The following PACRG variants were observed in gnomAD, a reference collection of about 807,000 sequenced individuals.
The protein encoded by PACRG is parkin coregulated gene protein.
A neutral mutation model predicts 29.7 loss-of-function variants in PACRG; 29 were observed. The ratio of observed to expected loss-of-function variants is 0.98; its 90% CI spans 0.73 to 1.33. The LOEUF (loss-of-function observed/expected upper bound fraction) is 1.33. Ranked by LOEUF, PACRG falls within the 40% of genes most tolerant of loss-of-function variation. The pLI is 0.00. For synonymous variants in PACRG, 116 were observed against 118.7 expected, an observed-to-expected ratio of 0.98 and a Z score of 0.15; for missense variants, 279 against 316.2, an observed-to-expected ratio of 0.88 and a Z score of 0.89.
chr6:162,851,807 G>T (rs1216006204), intron 2 of PACRG, among the ~76,000 whole-genome samples: 13 of 151,760 alleles, frequency 8.6e-5, no homozygotes, highest in Non-Finnish European at 1.5e-5. Context: ...ATGTGTCCAA[G>T]AATTTAAATA....
At chr6:162,893,071 T>TCGGCCCACATCCCGGAGAACC (rs1794906159) in intron 2 of PACRG, among the ~76,000 whole-genome samples, 3 of 126,702 alleles carry the variant, frequency 2.4e-5, no homozygotes, top group Admixed American at 8.6e-5. Flanking sequence ...CACACCCCTC[T>TCGGCCCACATCCCGGAGAACC]ACCTCCACTA....
chr6:163,156,817 C>G (rs1778340257), intron 4 of PACRG, among the ~76,000 whole-genome samples: 2 of 152,142 alleles, frequency 1.3e-5, no homozygotes, highest in African/African-American at 2.4e-5. Flanking sequence ...ACAACTTCTT[C>G]AAAGCCAGCA....
chr6:163,226,085 T>C (rs1781783488), intron 4 of PACRG, among the ~76,000 whole-genome samples: 1 of 152,192 alleles, frequency 6.6e-6, no homozygotes, highest in Admixed American at 6.5e-5. Flanking sequence ...GAGGACATTA[T>C]GCTAAGTGAA....
At chr6:162,941,561 G>A (rs1376229581) in intron 2 of PACRG, among the ~76,000 whole-genome samples, 1 of 152,144 alleles carries the variant, frequency 6.6e-6, no homozygotes, top group Admixed American at 6.6e-5. Context: ...CTGGCAGGAG[G>A]AGTTTCTGGG....
At chr6:162,993,089 C>A (rs1384587355) in intron 2 of PACRG, among the ~76,000 whole-genome samples, 3 of 145,198 alleles carry the variant, frequency 2.1e-5, no homozygotes, top group African/African-American at 5.1e-5. Flanking sequence ...AGTTTGATTG[C>A]ACTGTGGTCT....
At chr6:163,194,493 G>A (rs967770708) in intron 4 of PACRG, among the ~76,000 whole-genome samples, 4 of 152,108 alleles carry the variant, frequency 2.6e-5, no homozygotes, top group Non-Finnish European at 4.4e-5. Flanking sequence ...CCAGGCTGGT[G>A]GTGTCTGGCT....
At chr6:163,266,872 G>A (rs549953324) in intron 4 of PACRG, among the ~76,000 whole-genome samples, 43 of 152,214 alleles carry the variant, frequency 2.8e-4, no homozygotes, top group South Asian at 4.2e-4. Flanking sequence ...CCCTCTTCCC[G>A]GGCAGCACCA....
At chr6:162,989,555 C>T (rs1473588633) in intron 2 of PACRG, among the ~76,000 whole-genome samples, 1 of 152,068 alleles carries the variant, frequency 6.6e-6, no homozygotes, top group Non-Finnish European at 1.5e-5. Context: ...AAATGCTATG[C>T]AAATATTTGT....
intron 2 of PACRG, among the ~76,000 whole-genome samples, chr6:162,860,016 A>G (rs1791726154): frequency 8.6e-6 from 1 of 116,324 alleles, no homozygotes; most frequent in African/African-American, 3.4e-5. Context: ...AGAGTAATGG[A>G]TTTTACAACT....
At chr6:163,205,522 A>G (rs1022169177) in intron 4 of PACRG, among the ~76,000 whole-genome samples, 8 of 152,184 alleles carry the variant, frequency 5.3e-5, no homozygotes, top group African/African-American at 1.9e-4. Context: ...AGAAGATTCA[A>G]ACTGGACCCC....
chr6:163,010,550 C>T (rs1024018345), intron 2 of PACRG, among the ~76,000 whole-genome samples: 9 of 152,190 alleles, frequency 5.9e-5, no homozygotes, highest in African/African-American at 2.2e-4. Flanking sequence ...TCCTGTAGTC[C>T]TAGCAACTGT....
chr6:162,839,530 C>T (rs1347449015), intron 2 of PACRG, among the ~76,000 whole-genome samples: 1 of 151,336 alleles, frequency 6.6e-6, no homozygotes, highest in African/African-American at 2.4e-5. Context: ...AAATTTTCTC[C>T]CATTTTGTAG....
chr6:163,120,802 G>T (rs1273721061), intron 4 of PACRG, among the ~76,000 whole-genome samples: 1 of 152,158 alleles, frequency 6.6e-6, no homozygotes, highest in African/African-American at 2.4e-5. Context: ...GGTCATGAAG[G>T]AGCTCAAATG....
chr6:163,139,881 C>T (rs1289342060), intron 4 of PACRG, among the ~76,000 whole-genome samples: 2 of 152,162 alleles, frequency 1.3e-5, no homozygotes, highest in African/African-American at 4.8e-5. Flanking sequence ...TAAGGAGTCC[C>T]TCAACTGAAT....
At chr6:163,114,986 A>T (rs974602749) in intron 4 of PACRG, among the ~76,000 whole-genome samples, 2 of 152,158 alleles carry the variant, frequency 1.3e-5, no homozygotes, top group Non-Finnish European at 2.9e-5. Context: ...TACAATTTTT[A>T]TTTGTCAATT....
chr6:162,842,853 T>A lies in PACRG; in HGVS notation c.291+28572T>A, dbSNP rs1442297163. On this transcript the variant is annotated intron_variant, in intron 2 of 4. Transcript: ENST00000366888. ...AAGTATTTTATTTCTCCTTCACTTA[T>A]GAAGCTTAGTTTGGCTGGATATGAA... is the stretch of plus-strand genomic sequence containing the variant. 2.3e-4 allele frequency among the ~76,000 whole-genome samples: 27 copies of A among 115,850 alleles called. No homozygotes were observed. The South Asian group carries it at 4.0e-3, about 17-fold the overall frequency. 76.0% of individuals were successfully genotyped at this position (115,850 alleles called of 152,430 possible).
At chr6:162,833,402 C>T (rs927212473) in intron 2 of PACRG, among the ~76,000 whole-genome samples, 2 of 152,064 alleles carry the variant, frequency 1.3e-5, no homozygotes, top group African/African-American at 2.4e-5. Flanking sequence ...TTTTGATTCC[C>T]CTCTGGAGCT....
intron 1 of PACRG, among the ~76,000 whole-genome samples, chr6:162,750,053 T>C (rs1027097435): frequency 3.9e-5 from 6 of 152,020 alleles, no homozygotes; most frequent in Non-Finnish European, 7.3e-5. Context: ...CAATGTGTAC[T>C]GATGTTTCTC....
At chr6:163,253,765 T>C (rs1782999053) in intron 4 of PACRG, among the ~76,000 whole-genome samples, 1 of 152,220 alleles carries the variant, frequency 6.6e-6, no homozygotes, top group Non-Finnish European at 1.5e-5. Flanking sequence ...ACCAGGTGCC[T>C]CCTTGAGCCT....
Sources: gnomAD v4.1 joint callset for allele counts (sites outside exome capture counted in the v4.1 genomes callset) on GRCh38, gnomAD v4.1.1 for gene constraint, MANE v1.5 for transcripts, NCBI Gene and HGNC (gene_info 2026-07-23, HGNC 2026-07-21) for gene names.